FSHR: variants seen among roughly 807,000 people sequenced by gnomAD.
The protein encoded by FSHR is follicle stimulating hormone receptor, also known as follicle-stimulating hormone receptor.
FSHR carries 46 observed loss-of-function variants against 52.1 expected under a neutral mutation model. That is an observed-to-expected ratio of 0.88 (90% CI 0.70 to 1.13). The LOEUF (loss-of-function observed/expected upper bound fraction) is 1.13, where lower values mean the gene tolerates loss of function less well. FSHR is among the 50% of genes most tolerant of loss of function. The pLI, the probability that FSHR is intolerant of heterozygous loss-of-function variation, is 0.00. For missense variants in FSHR, 964 were observed against 834.6 expected, an observed-to-expected ratio of 1.16 and a Z score of -1.91; for synonymous variants, 399 against 309.6, an observed-to-expected ratio of 1.29 and a Z score of -3.03.
intron 8 of FSHR, among the ~76,000 whole-genome samples, chr2:48,979,031 A>G (rs773908219): frequency 1.1e-4 from 16 of 152,138 alleles, no homozygotes; most frequent in Non-Finnish European, 1.5e-4. Context: ...CCAATTCCCA[A>G]TATTGGTCCT....
chr2:49,132,046 T>C (rs1672297418), intron 1 of FSHR, among the ~76,000 whole-genome samples: 1 of 152,200 alleles, frequency 6.6e-6, no homozygotes, highest in African/African-American at 2.4e-5. Context: ...TGTGTGTCTT[T>C]AGCTGCATTA....
At chr2:48,965,081 AT>A (rs566807283) in intron 9 of FSHR, among the ~76,000 whole-genome samples, 8 of 151,826 alleles carry the variant, frequency 5.3e-5, no homozygotes, top group African/African-American at 1.9e-4. Context: ...AGTTGACTGT[AT>A]TTTTTTTAAA....
intron 1 of FSHR, among the ~76,000 whole-genome samples, chr2:49,135,289 G>T (rs980478165): frequency 1.3e-5 from 2 of 151,528 alleles, no homozygotes; most frequent in African/African-American, 4.9e-5. Context: ...ACAATGAAAT[G>T]GAATGAAAAA....
At chr2:49,012,347 A>T (rs1369160953) in intron 4 of FSHR, among the ~76,000 whole-genome samples, 1 of 152,180 alleles carries the variant, frequency 6.6e-6, no homozygotes, top group Non-Finnish European at 1.5e-5. Flanking sequence ...GACTTAAAAA[A>T]ATCCACCCAG....
intron 1 of FSHR, among the ~76,000 whole-genome samples, chr2:49,127,808 CTT>C (rs1672081774): frequency 6.9e-5 from 4 of 57,656 alleles, no homozygotes; most frequent in Non-Finnish European, 9.2e-5. Flanking sequence ...TCTTCTTCTT[CTT>C]CTTCTTCTTC....
intron 4 of FSHR, among the ~76,000 whole-genome samples, chr2:49,003,311 C>T (rs1261222081): frequency 6.6e-6 from 1 of 152,224 alleles, no homozygotes; most frequent in Middle Eastern, 3.4e-3. Flanking sequence ...TGTGCAGACC[C>T]TGTATTCTGT....
intron 1 of FSHR, among the ~76,000 whole-genome samples, chr2:49,124,159 ATT>A (rs5831025): frequency 0.011 from 1,579 of 140,902 alleles, 22 homozygotes; most frequent in African/African-American, 0.036. Flanking sequence ...CGTCCGGCTA[ATT>A]TTTTTTTTTT....
At chr2:49,115,129 T>A (rs1671554552) in intron 1 of FSHR, among the ~76,000 whole-genome samples, 1 of 146,890 alleles carries the variant, frequency 6.8e-6, no homozygotes, top group Admixed American at 6.9e-5. Context: ...GCATACAAGA[T>A]GAAGGGGAGA....
chr2:49,153,759 C>G (rs1206147643), intron 1 of FSHR, among the ~76,000 whole-genome samples: 1 of 152,040 alleles, frequency 6.6e-6, no homozygotes, highest in African/African-American at 2.4e-5. Context: ...TCTCTACCAC[C>G]TCCTTTTTAC....
At chr2:49,041,360 A>T (rs1023234216) in intron 2 of FSHR, among the ~76,000 whole-genome samples, 4 of 152,210 alleles carry the variant, frequency 2.6e-5, no homozygotes, top group Non-Finnish European at 5.9e-5. Context: ...AAGAGACAGC[A>T]AGCCTTTTTG....
chr2:49,112,327 C>T (rs1558447658), intron 1 of FSHR, among the ~76,000 whole-genome samples: 1 of 152,056 alleles, frequency 6.6e-6, no homozygotes, highest in Non-Finnish European at 1.5e-5. Flanking sequence ...CAATAGAATA[C>T]ACACACAATA....
chr2:49,014,674 A>G (rs750747716), intron 4 of FSHR: 23 of 254,804 alleles, frequency 9.0e-5, no homozygotes, highest in African/African-American at 1.6e-4. Context: ...AAATTTTGCA[A>G]TGATTCCTCA....
chr2:49,085,010 C>T (rs71407550), intron 1 of FSHR, among the ~76,000 whole-genome samples: 27,582 of 151,734 alleles, frequency 0.18, 2,866 homozygotes, highest in East Asian at 0.28. Flanking sequence ...CCAGCATCAT[C>T]CTGATACCAA....
At chr2:49,084,211 A>G (rs1053266947) in intron 1 of FSHR, among the ~76,000 whole-genome samples, 3 of 148,268 alleles carry the variant, frequency 2.0e-5, no homozygotes, top group Non-Finnish European at 3.0e-5. Context: ...CCGCTCAACT[A>G]CATGGAAACT....
chr2:49,023,500 A>G (rs1667813431), intron 2 of FSHR, among the ~76,000 whole-genome samples: 1 of 152,218 alleles, frequency 6.6e-6, no homozygotes, highest in Non-Finnish European at 1.5e-5. Flanking sequence ...GTGACAGCCC[A>G]GCCTAGCTTG....
chr2:49,033,899 C>CCCTTATAT (rs1668189588), intron 2 of FSHR, among the ~76,000 whole-genome samples: 1 of 152,110 alleles, frequency 6.6e-6, no homozygotes. Flanking sequence ...TTTCTGGAGC[C>CCCTTATAT]CCTTATATCA....
chr2:49,035,542 C>A (rs1463358759), intron 2 of FSHR, among the ~76,000 whole-genome samples: 1 of 152,190 alleles, frequency 6.6e-6, no homozygotes, highest in Non-Finnish European at 1.5e-5. Flanking sequence ...ACTCCAGCTT[C>A]CCTAAGTGGC....
chr2:49,107,019 A>T (rs768011121), intron 1 of FSHR, among the ~76,000 whole-genome samples: 10 of 152,172 alleles, frequency 6.6e-5, no homozygotes, highest in Non-Finnish European at 1.3e-4. Context: ...CAATATCTAA[A>T]GACAACTTTC....
chr2:49,050,209 A>G (rs1044036284), intron 2 of FSHR, among the ~76,000 whole-genome samples: 10 of 152,296 alleles, frequency 6.6e-5, no homozygotes, highest in Middle Eastern at 6.8e-3. Context: ...CCCAAATCTT[A>G]TATTTCCCAA....
Sources: allele counts gnomAD v4.1 joint callset (sites outside exome capture counted in the v4.1 genomes callset), GRCh38; gene constraint gnomAD v4.1.1; transcripts MANE v1.5; gene names NCBI Gene and HGNC (gene_info 2026-07-23, HGNC 2026-07-21).